CACNB2: variants seen among roughly 807,000 people sequenced by gnomAD.
CACNB2 encodes voltage-dependent L-type calcium channel subunit beta-2.
In CACNB2, 42 loss-of-function variants were observed where a neutral mutation model predicts 73.3. The observed-to-expected ratio is 0.57, with a 90% confidence interval of 0.45 to 0.74. CACNB2 has a LOEUF of 0.74. Ranked by LOEUF, CACNB2 falls within the 30% of genes least tolerant of loss-of-function variation. The pLI is 0.00. For synonymous variants in CACNB2, 348 were observed against 310.3 expected, an observed-to-expected ratio of 1.12 and a Z score of -1.28; for missense variants, 940 against 853.0, an observed-to-expected ratio of 1.10 and a Z score of -1.27.
chr10:18,222,577 C>G (rs2035837035), intron 2 of CACNB2, among the ~76,000 whole-genome samples: 1 of 152,160 alleles, frequency 6.6e-6, no homozygotes, highest in South Asian at 2.1e-4. Flanking sequence ...TTTAGAGATG[C>G]CTGCTGAGAT....
At chr10:18,477,085 G>T (rs1466255715) in intron 3 of CACNB2, among the ~76,000 whole-genome samples, 5 of 152,080 alleles carry the variant, frequency 3.3e-5, no homozygotes. Flanking sequence ...ATTGCAAAGG[G>T]CGTAGCCTTT....
intron 3 of CACNB2, among the ~76,000 whole-genome samples, chr10:18,488,403 A>G (rs1356148118): frequency 7.0e-6 from 1 of 143,838 alleles, no homozygotes; most frequent in East Asian, 2.2e-4. Context: ...TGAACCTGGA[A>G]GGCGGAGCTT....
In CACNB2 at chr10:18,520,789, G is replaced by T. The variant is rs144787889; in HGVS notation, c.944+1821G>T. 2.2e-3 allele frequency among the ~76,000 whole-genome samples: 338 copies of T among 152,308 alleles called. 2 individuals are homozygous for T. The highest frequency in any genetic ancestry group is 7.7e-3 in the African/African-American group (321 of 41,562). On this transcript the variant is annotated intron_variant, in intron 9 of 13. Coordinates refer to ENST00000324631, the MANE Select transcript of CACNB2 (RefSeq NM_201596.3). ...CACCTCAGGGCTTTGGCACTTTGCA[G>T]TTCCTTCTGCTAGGAACACTTTTCC... is the stretch of plus-strand genomic sequence containing the variant.
chr10:18,537,550 G>T (rs1054881480), intron 12 of CACNB2, among the ~76,000 whole-genome samples: 1 of 151,990 alleles, frequency 6.6e-6, no homozygotes, highest in African/African-American at 2.4e-5. Context: ...GCCGAGGCGG[G>T]TGAATCACTT....
At chr10:18,247,313 G>A (rs2036904924) in intron 2 of CACNB2, among the ~76,000 whole-genome samples, 2 of 152,094 alleles carry the variant, frequency 1.3e-5, no homozygotes, top group Non-Finnish European at 2.9e-5. Flanking sequence ...TCCTTGATCA[G>A]TCCCCAAATC....
chr10:18,534,839 C>T (rs940964343), intron 11 of CACNB2, among the ~76,000 whole-genome samples: 10 of 152,124 alleles, frequency 6.6e-5, no homozygotes, highest in Non-Finnish European at 1.2e-4. Flanking sequence ...CATAGAATAC[C>T]ATTTTTATCT....
chr10:18,391,725 G>A (rs573764691), intron 2 of CACNB2, among the ~76,000 whole-genome samples: 247 of 152,068 alleles, frequency 1.6e-3, no homozygotes, highest in African/African-American at 5.7e-3. Context: ...CCAGGAGTTC[G>A]AGACCAGCCT....
chr10:18,204,068 C>G (rs549386300), intron 2 of CACNB2, among the ~76,000 whole-genome samples: 1 of 151,916 alleles, frequency 6.6e-6, no homozygotes, highest in South Asian at 2.1e-4. Context: ...GGAGAAAAAA[C>G]GTTTAATTTT....
intron 1 of CACNB2, among the ~76,000 whole-genome samples, chr10:18,142,716 G>T (rs1215460843): frequency 6.6e-6 from 1 of 152,168 alleles, no homozygotes; most frequent in Non-Finnish European, 1.5e-5. Context: ...TGTGATTTAT[G>T]TACAATGATT....
chr10:18,286,315 G>A (rs945708951), intron 2 of CACNB2, among the ~76,000 whole-genome samples: 13 of 151,878 alleles, frequency 8.6e-5, no homozygotes, highest in Admixed American at 2.0e-4. Flanking sequence ...AGGAGATCCA[G>A]ACCATCCTGG....
At chr10:18,421,262 T>C (rs961768460) in intron 3 of CACNB2, among the ~76,000 whole-genome samples, 1 of 151,900 alleles carries the variant, frequency 6.6e-6, no homozygotes, top group Admixed American at 6.6e-5. Flanking sequence ...TGAAAAATGT[T>C]CATTGTAATA....
At position 18,533,728 on chromosome 10, in the gene CACNB2, C is replaced by T. The variant is rs144997613; in HGVS notation, c.1055-348C>T. ...TGCAAAGTGGTCTGCAATGAACACA[C>T]GGAAGATATGTCAAGGTTCTTATTT... On this transcript the variant is annotated intron_variant, in intron 10 of 13. Transcript: ENST00000324631. Among the ~76,000 whole-genome samples the T allele has an allele frequency of 2.2e-3, 328 of 152,260 alleles. 2 individuals are homozygous for T. Among genetic ancestry groups the T allele is most frequent in the African/African-American group, 7.4e-3 (308 of 41,542 alleles).
At chr10:18,187,507 T>G (rs1434106091) in intron 2 of CACNB2, among the ~76,000 whole-genome samples, 1 of 152,194 alleles carries the variant, frequency 6.6e-6, no homozygotes, top group Non-Finnish European at 1.5e-5. Context: ...TAAAAGTGAC[T>G]GTGTTAGTAA....
At chr10:18,230,378 A>G (rs935658333) in intron 2 of CACNB2, among the ~76,000 whole-genome samples, 1 of 152,090 alleles carries the variant, frequency 6.6e-6, no homozygotes, top group East Asian at 1.9e-4. Context: ...TGTTCCCTCG[A>G]TCTTTTTTTT....
intron 3 of CACNB2, among the ~76,000 whole-genome samples, chr10:18,483,807 T>G (rs936466404): frequency 1.5e-4 from 23 of 152,228 alleles, no homozygotes; most frequent in Admixed American, 6.5e-5. Context: ...TATAATTTTC[T>G]AAATAAGTAC....
intron 2 of CACNB2, among the ~76,000 whole-genome samples, chr10:18,356,949 T>TTTTC (rs1554799774): frequency 3.4e-4 from 31 of 92,332 alleles, no homozygotes; most frequent in South Asian, 7.5e-4. Flanking sequence ...TTTCTTTTTT[T>TTTTC]TTTTTTTTTT....
intron 3 of CACNB2, among the ~76,000 whole-genome samples, chr10:18,467,265 A>G (rs2047943825): frequency 6.6e-6 from 1 of 152,238 alleles, no homozygotes; most frequent in African/African-American, 2.4e-5. Context: ...TTCACTTTGC[A>G]TTCTCCTTTT....
chr10:18,295,815 C>T (rs563511312), intron 2 of CACNB2, among the ~76,000 whole-genome samples: 1 of 151,986 alleles, frequency 6.6e-6, no homozygotes, highest in East Asian at 1.9e-4. Flanking sequence ...TAGAAATTGG[C>T]TAAAAGACTA....
chr10:18,141,346 G>A (rs2030380264), intron 1 of CACNB2: 2 of 832,034 alleles, frequency 2.4e-6, no homozygotes, highest in South Asian at 3.0e-5. Flanking sequence ...CAGGAGGGGA[G>A]CGAATATGGG....
Sources: gnomAD v4.1 joint callset for allele counts (sites outside exome capture counted in the v4.1 genomes callset) on GRCh38, gnomAD v4.1.1 for gene constraint, MANE v1.5 for transcripts, NCBI Gene and HGNC (gene_info 2026-07-23, HGNC 2026-07-21) for gene names.